Variants in TM4SF5 observed in about 807,000 individuals in gnomAD.
TM4SF5 encodes transmembrane 4 L6 family member 5.
TM4SF5 carries 16 observed loss-of-function variants against 22.3 expected under a neutral mutation model. The observed-to-expected ratio is 0.72, with a 90% confidence interval of 0.49 to 1.09. TM4SF5 has a LOEUF of 1.09. Among genes scored for constraint, TM4SF5 ranks in the 50% least tolerant of loss-of-function variants. TM4SF5 has a pLI of 0.00. For missense variants in TM4SF5, 249 were observed against 266.1 expected, an observed-to-expected ratio of 0.94 and a Z score of 0.45; for synonymous variants, 113 against 109.6, an observed-to-expected ratio of 1.03 and a Z score of -0.19.
In TM4SF5 at chr17:4,783,001, C is replaced by G. The variant is rs2150649030; in HGVS notation, c.543C>G (p.Thr181=). Residue 181 remains threonine (T), a synonymous_variant, in exon 4 of 5, where the codon ACC becomes ACG. Transcript: ENST00000270560. The part of the protein sequence containing the change: ...VLCGIQLVNA[T]IGVFCGDCRK... ...GTGGGATCCAGCTGGTGAACGCGAC[C>G]ATTGGTGTCTTCTGCGGCGATTGCA... The G allele has an allele frequency of 6.2e-7, 1 of 1,614,188 alleles. No individual in the cohort carries two copies.
rs557079315 is a variant in TM4SF5 at position 4,783,121 on chromosome 17, C to G, written c.587C>G (p.Pro196Arg). 1.9e-4 allele frequency: 305 copies of G among 1,613,834 alleles called. 1 individual carries two copies. The East Asian group carries it at 6.3e-3, about 33-fold the overall frequency. Residue 196 changes from proline (P) to arginine (R), a missense_variant, in exon 5 of 5, where the codon CCT becomes CGT. Coordinates refer to ENST00000270560, the MANE Select transcript of TM4SF5 (RefSeq NM_003963.3). The part of the protein sequence containing the change: ...CGDCRKKQDT[P>R]H ...ACCTTCTCTTTTCCGCAGGACACAC[C>G]TCACTGAGGCTCCACTGACCGCCGG...
chr17:4,781,461 C>G (rs992949071), intron 2 of TM4SF5, among the ~76,000 whole-genome samples: 3 of 152,022 alleles, frequency 2.0e-5, no homozygotes, highest in Non-Finnish European at 4.4e-5. Context: ...CCAGCCTGGG[C>G]AACAAGAGCA....
At chr17:4,781,391 C>A (rs1917308475) in intron 2 of TM4SF5, among the ~76,000 whole-genome samples, 1 of 151,562 alleles carries the variant, frequency 6.6e-6, no homozygotes. Context: ...GCCTGTAATC[C>A]CAGCTACTCA....
intron 2 of TM4SF5, 135 bp from the exon 3 acceptor site, chr17:4,782,368 C>T: frequency 1.8e-6 from 2 of 1,090,474 alleles, no homozygotes; most frequent in South Asian, 1.5e-5. Context: ...GGTGAGCCAC[C>T]GCGCCCGGCA....
At chr17:4,772,194 TG>T (rs970869983) in intron 1 of TM4SF5, 95 bp downstream of exon 1, 2 of 1,490,468 alleles carry the variant, frequency 1.3e-6, no homozygotes, top group African/African-American at 2.8e-5. Context: ...TAAGAATGGT[TG>T]CTTGGGAGAG....
Position 4,780,824 on chromosome 17 carries a change from G to A in TM4SF5, c.213G>A (p.Gly71=), listed in dbSNP as rs775512170. 1.2e-6 allele frequency: 2 copies of A among 1,610,568 alleles called. No homozygotes were observed. The highest frequency in any genetic ancestry group is 1.7e-6 in the Non-Finnish European group (2 of 1,178,382). The change falls in exon 2 of 5, where the codon GGG becomes GGA. Residue 71 remains glycine (G), a synonymous_variant. Coordinates refer to ENST00000270560, the MANE Select transcript of TM4SF5 (RefSeq NM_003963.3). ...CGGGGATTGCAGCCGTTCGGGCAGG[G>A]GGCAAGGGCTGCTGTGGTGCTGGGT... is the stretch of plus-strand genomic sequence containing the variant. The part of the protein sequence containing the change: ...LCPGIAAVRA[G]GKGCCGAGCC...
chr17:4,780,375 T>C (rs1012735102), intron 1 of TM4SF5, among the ~76,000 whole-genome samples: 4 of 152,042 alleles, frequency 2.6e-5, no homozygotes, highest in Non-Finnish European at 5.9e-5. Flanking sequence ...TCTTAACACC[T>C]AGTCAGCTTG....
At chr17:4,776,804 G>A (rs1220429292) in intron 1 of TM4SF5, among the ~76,000 whole-genome samples, 1 of 152,152 alleles carries the variant, frequency 6.6e-6, no homozygotes, top group Non-Finnish European at 1.5e-5. Context: ...GTAGTTCTTA[G>A]TGTGAGAGGT....
At chr17:4,781,379 G>A (rs1307610165) in intron 2 of TM4SF5, among the ~76,000 whole-genome samples, 2 of 151,592 alleles carry the variant, frequency 1.3e-5, no homozygotes, top group African/African-American at 2.4e-5. Flanking sequence ...GTGGTGGTGG[G>A]CGCCTGTAAT....
chr17:4,777,841 G>A (rs752868028), intron 1 of TM4SF5, among the ~76,000 whole-genome samples: 51 of 151,696 alleles, frequency 3.4e-4, no homozygotes, highest in South Asian at 8.3e-4. Context: ...CCAAGATCGC[G>A]CCATTGCACT....
At chr17:4,777,334 TTTC>T (rs1171191864) in intron 1 of TM4SF5, among the ~76,000 whole-genome samples, 1 of 152,204 alleles carries the variant, frequency 6.6e-6, no homozygotes, top group African/African-American at 2.4e-5. Flanking sequence ...AGCACAGTGT[TTTC>T]TTCTTCATTT....
At chr17:4,782,400 C>T (rs1179130616) in intron 2 of TM4SF5, 103 bp from the exon 3 acceptor site, 8 of 1,421,216 alleles carry the variant, frequency 5.6e-6, no homozygotes, top group East Asian at 2.3e-5. Context: ...ATTTTAACAA[C>T]CCGACTGGAG....
chr17:4,772,208 T>A, intron 1 of TM4SF5, 109 bp downstream of exon 1: 1 of 1,378,504 alleles, frequency 7.3e-7, no homozygotes, highest in Non-Finnish European at 1.0e-6. Context: ...TGGGAGAGGA[T>A]GGCAATGGCT....
chr17:4,782,816 A>G (rs1218452963), intron 3 of TM4SF5, 38 bp from the exon 4 acceptor site: 6 of 1,593,394 alleles, frequency 3.8e-6, no homozygotes, highest in Non-Finnish European at 5.1e-6. Context: ...GCGCACGCGC[A>G]CGCTGCCTTC....
intron 1 of TM4SF5, among the ~76,000 whole-genome samples, chr17:4,778,758 G>A (rs968196380): frequency 4.6e-5 from 7 of 151,992 alleles, no homozygotes; most frequent in Admixed American, 2.6e-4. Context: ...AGAGTTAGGC[G>A]TTCAAGTTAC....
chr17:4,778,984 G>A (rs1405750136), intron 1 of TM4SF5, among the ~76,000 whole-genome samples: 1 of 151,186 alleles, frequency 6.6e-6, no homozygotes, highest in Non-Finnish European at 1.5e-5. Context: ...TTGAACCTGG[G>A]AGGTGGAGGT....
Position 4,783,105 on chromosome 17 carries a change from T to C in TM4SF5, c.580-9T>C, listed in dbSNP as rs1369462834. On this transcript the variant is annotated splice_polypyrimidine_tract_variant and intron_variant, in intron 4 of 4. Coordinates refer to ENST00000270560, the MANE Select transcript of TM4SF5 (RefSeq NM_003963.3). ...TCCTGGCTGCGTTCTCACCTTCTCT[T>C]TTCCGCAGGACACACCTCACTGAGG... 1 of 1,614,052 alleles carries C rather than the reference T, an allele frequency of 6.2e-7. No homozygotes were observed.
At chr17:4,783,079 G>GT (rs746485398) in intron 4 of TM4SF5, 35 bp from the exon 5 acceptor site, 2 of 1,614,154 alleles carry the variant, frequency 1.2e-6, no homozygotes. Flanking sequence ...AACCTGCCTG[G>GT]TCCTGGCTGC....
At chr17:4,779,432 A>T (rs922830137) in intron 1 of TM4SF5, among the ~76,000 whole-genome samples, 1 of 152,136 alleles carries the variant, frequency 6.6e-6, no homozygotes, top group Non-Finnish European at 1.5e-5. Context: ...CTGTTTCAAA[A>T]AGAAAGAAAG....
Sources: gnomAD v4.1 joint callset for allele counts (sites outside exome capture counted in the v4.1 genomes callset) on GRCh38, gnomAD v4.1.1 for gene constraint, MANE v1.5 for transcripts, NCBI Gene and HGNC (gene_info 2026-07-23, HGNC 2026-07-21) for gene names.